Variants in PCDH9 observed in about 807,000 individuals in gnomAD.
The protein encoded by PCDH9 is protocadherin 9.
A neutral mutation model predicts 70.6 loss-of-function variants in PCDH9; 24 were observed. The ratio of observed to expected loss-of-function variants is 0.34; its 90% CI spans 0.25 to 0.48. The LOEUF (loss-of-function observed/expected upper bound fraction) is 0.48. Ranked by LOEUF, PCDH9 falls within the 20% of genes least tolerant of loss-of-function variation. The pLI is 0.99. For missense variants in PCDH9, 1,281 were observed against 1,503.6 expected (o/e 0.85, Z 2.45); for synonymous variants, 562 against 558.5 (o/e 1.01, Z -0.09).
chr13:66,743,760 A>G (rs925259931), intron 3 of PCDH9, among the ~76,000 whole-genome samples: 13 of 152,182 alleles, frequency 8.5e-5, no homozygotes, highest in Admixed American at 5.2e-4. Flanking sequence ...ATAAATACAT[A>G]CAATTTTAGT....
At chr13:66,563,912 T>C (rs1197024339) in intron 4 of PCDH9, among the ~76,000 whole-genome samples, 1 of 152,058 alleles carries the variant, frequency 6.6e-6, no homozygotes, top group Non-Finnish European at 1.5e-5. Flanking sequence ...ATATTGTTAT[T>C]ATTAACGCAG....
At chr13:67,220,733 C>T (rs1454451765) in intron 2 of PCDH9, 1 of 152,020 alleles carries the variant, frequency 6.6e-6, no homozygotes, top group African/African-American at 2.4e-5. Context: ...ACCACATATA[C>T]TATTTTCTCT....
chr13:66,960,484 G>A (rs1478769788), intron 2 of PCDH9, among the ~76,000 whole-genome samples: 1 of 152,058 alleles, frequency 6.6e-6, no homozygotes, highest in Non-Finnish European at 1.5e-5. Context: ...ATTTCAAAGG[G>A]CCACAGTGGT....
At chr13:66,344,645 G>T (rs773753624) in intron 4 of PCDH9, among the ~76,000 whole-genome samples, 1 of 151,996 alleles carries the variant, frequency 6.6e-6, no homozygotes, top group East Asian at 1.9e-4. Context: ...CAATACAAGG[G>T]GTAAAATTAA....
intron 3 of PCDH9, among the ~76,000 whole-genome samples, chr13:66,753,554 T>C (rs1472175706): frequency 6.6e-6 from 1 of 152,074 alleles, no homozygotes; most frequent in African/African-American, 2.4e-5. Flanking sequence ...GAAAAATCCA[T>C]AAAATAAATA....
intron 4 of PCDH9, among the ~76,000 whole-genome samples, chr13:66,444,144 A>G (rs1190520121): frequency 6.6e-6 from 1 of 152,204 alleles, no homozygotes; most frequent in Admixed American, 6.5e-5. Context: ...TCTCCAGCAC[A>G]TTAAGAATTA....
At chr13:66,867,255 A>C (rs2081592934) in intron 3 of PCDH9, among the ~76,000 whole-genome samples, 1 of 152,132 alleles carries the variant, frequency 6.6e-6, no homozygotes, top group Non-Finnish European at 1.5e-5. Context: ...CCCAGTTTCT[A>C]CTGAGGCACA....
chr13:66,969,696 C>G (rs1410957087), intron 2 of PCDH9, among the ~76,000 whole-genome samples: 2 of 151,898 alleles, frequency 1.3e-5, no homozygotes, highest in Non-Finnish European at 2.9e-5. Context: ...GTGCTTTAAC[C>G]TAAAGCATCT....
In PCDH9 at chr13:66,563,443, C is replaced by T. The variant is rs148081281; in HGVS notation, c.3340+67767G>A. On this transcript the variant is annotated intron_variant, in intron 4 of 4. Coordinates refer to ENST00000377865, the MANE Select transcript of PCDH9 (RefSeq NM_203487.3). ...ACCCTACATACAAATCCACACTCTA[C>T]CCTCTAGCCACAACGATCTATTACA... 3.9e-3 allele frequency among the ~76,000 whole-genome samples: 596 copies of T among 152,298 alleles called. 1 individual carries two copies. Among genetic ancestry groups the T allele is most frequent in the African/African-American group, 0.014 (569 of 41,572 alleles).
At chr13:67,162,644 C>T (rs2087993750) in intron 2 of PCDH9, among the ~76,000 whole-genome samples, 2 of 152,084 alleles carry the variant, frequency 1.3e-5, no homozygotes, top group African/African-American at 4.8e-5. Flanking sequence ...ACTTCAATGC[C>T]CTCTTCTAAA....
At chr13:66,959,449 T>C (rs948014626) in intron 2 of PCDH9, among the ~76,000 whole-genome samples, 4 of 152,082 alleles carry the variant, frequency 2.6e-5, no homozygotes, top group Non-Finnish European at 4.4e-5. Flanking sequence ...AATTAAGAAA[T>C]TACTTAAGAA....
chr13:66,947,740 T>A (rs1231280950), intron 2 of PCDH9, among the ~76,000 whole-genome samples: 1 of 152,122 alleles, frequency 6.6e-6, no homozygotes, highest in Non-Finnish European at 1.5e-5. Flanking sequence ...GCTAATAACT[T>A]GGATATGTTA....
At position 66,704,976 on chromosome 13, in the gene PCDH9, G is replaced by C. The variant is rs150940999; in HGVS notation, c.3139-73565C>G. On this transcript the variant is annotated intron_variant, in intron 3 of 4. Transcript: ENST00000377865. ...GCAATTTGTTTTCATCAATGCTTAA[G>C]TATAAAAAAAGTTACATTTGCAAAT... is the stretch of plus-strand genomic sequence containing the variant. 6.3e-3 allele frequency among the ~76,000 whole-genome samples: 957 copies of C among 151,752 alleles called. 6 individuals carry two copies. Among genetic ancestry groups the C allele is most frequent in the African/African-American group, 0.022 (905 of 41,170 alleles).
chr13:67,089,619 A>T (rs140617057), intron 2 of PCDH9, among the ~76,000 whole-genome samples: 2 of 152,064 alleles, frequency 1.3e-5, no homozygotes, highest in Non-Finnish European at 2.9e-5. Flanking sequence ...TACTTGGACA[A>T]AAAATGAGCT....
At chr13:66,854,339 AT>A (rs1338269803) in intron 3 of PCDH9, among the ~76,000 whole-genome samples, 5 of 152,138 alleles carry the variant, frequency 3.3e-5, no homozygotes, top group Non-Finnish European at 7.4e-5. Flanking sequence ...TTTCGTTATT[AT>A]TTTTTATTAT....
intron 4 of PCDH9, among the ~76,000 whole-genome samples, chr13:66,494,115 A>G (rs1451743807): frequency 2.0e-5 from 3 of 152,136 alleles, no homozygotes; most frequent in Non-Finnish European, 2.9e-5. Flanking sequence ...TCACTCTATG[A>G]GAATGCAGAG....
rs1433697709 is a variant in PCDH9 at position 66,737,908 on chromosome 13, G to A, written c.3139-106497C>T. 2.9e-4 allele frequency among the ~76,000 whole-genome samples: 8 copies of A among 27,766 alleles called. No individual in the cohort carries two copies. The South Asian group carries it at 6.9e-3, about 24-fold the overall frequency. The allele number at this position is 27,766 out of a possible 152,430, so 18.2% of individuals were successfully genotyped here. ...TGAGATCAAACTGCAAGGCGGCAGC[G>A]AGGCTGGGGGAGGGGCGCCCGCCAT... On this transcript the variant is annotated intron_variant, in intron 3 of 4. Coordinates refer to ENST00000377865, the MANE Select transcript of PCDH9 (RefSeq NM_203487.3).
intron 4 of PCDH9, among the ~76,000 whole-genome samples, chr13:66,385,351 G>T (rs1279220568): frequency 6.6e-6 from 1 of 152,034 alleles, no homozygotes; most frequent in Non-Finnish European, 1.5e-5. Flanking sequence ...GAAAAATGAA[G>T]AATATGTGCA....
At position 66,700,917 on chromosome 13, in the gene PCDH9, CATATAAATATATATATATATAT is replaced by C. The variant is rs1424778831; in HGVS notation, c.3139-69528_3139-69507del. ...ATATATATGAAAATATATGTGTGTA[CATATAAATATATATATATATAT>C]ATATATATATATATATATATATATA... On this transcript the variant is annotated intron_variant, in intron 3 of 4. Coordinates refer to ENST00000377865, the MANE Select transcript of PCDH9 (RefSeq NM_203487.3). Among the ~76,000 whole-genome samples the C allele has an allele frequency of 9.9e-3, 513 of 51,772 alleles. 16 individuals carry two copies. Among genetic ancestry groups the C allele is most frequent in the Middle Eastern group, 0.065 (4 of 62 alleles). 34.0% of individuals were successfully genotyped at this position (51,772 alleles called of 152,430 possible).
Sources: allele counts gnomAD v4.1 joint callset (sites outside exome capture counted in the v4.1 genomes callset), GRCh38; gene constraint gnomAD v4.1.1; transcripts MANE v1.5; gene names NCBI Gene and HGNC (gene_info 2026-07-23, HGNC 2026-07-21).